Variants in CFAP44 observed in about 807,000 individuals in gnomAD.
CFAP44 encodes cilia and flagella associated protein 44.
Under a neutral mutation model 216.2 loss-of-function variants are expected in CFAP44, and 134 were observed. The observed-to-expected ratio is 0.62, with a 90% CI of 0.54 to 0.72. The LOEUF is 0.72. Among genes scored for constraint, CFAP44 ranks in the 30% least tolerant of loss-of-function variants. The pLI, the probability that CFAP44 is intolerant of heterozygous loss-of-function variation, is 0.00. For missense variants in CFAP44, 2,035 were observed against 2,182.1 expected, an observed-to-expected ratio of 0.93 and a Z score of 1.34; for synonymous variants, 700 against 727.6, an observed-to-expected ratio of 0.96 and a Z score of 0.61.
intron 2 of CFAP44, 115 bp from the exon 3 acceptor site, chr3:113,427,454 T>C (rs1576607720): frequency 1.4e-6 from 1 of 705,812 alleles, no homozygotes; most frequent in South Asian, 2.2e-5. Flanking sequence ...TAATACATAC[T>C]CAAAAATTTC....
intron 15 of CFAP44, among the ~76,000 whole-genome samples, chr3:113,383,478 C>T (rs915846799): frequency 4.7e-4 from 72 of 152,142 alleles, no homozygotes; most frequent in Non-Finnish European, 7.3e-4. Flanking sequence ...AATACTATCA[C>T]ATGGGGAATT....
chr3:113,381,985 TAA>T (rs747782208), intron 15 of CFAP44, among the ~76,000 whole-genome samples: 1 of 152,070 alleles, frequency 6.6e-6, no homozygotes, highest in Non-Finnish European at 1.5e-5. Context: ...AGCTTCAAGG[TAA>T]AAAATGTATA....
rs1950117785 is a variant in CFAP44, at chr3:113,319,119, C to T, written c.4516+7326G>A. 2.0e-5 allele frequency among the ~76,000 whole-genome samples: 3 copies of T among 152,108 alleles called. No homozygotes were observed. In the South Asian group the frequency reaches 6.2e-4, roughly 32 times the overall value. ...CCTTGAATGTAAATGGGCTAAACAC[C>T]CCACTTAAAAGCTAGAGTGCCAAAC... On this transcript the variant is annotated intron_variant, in intron 28 of 34. Coordinates refer to ENST00000393845, the MANE Select transcript of CFAP44 (RefSeq NM_001164496.2).
chr3:113,354,812 T>C (rs913971114), intron 22 of CFAP44, among the ~76,000 whole-genome samples: 2 of 152,066 alleles, frequency 1.3e-5, no homozygotes, highest in Admixed American at 6.5e-5. Context: ...CAAGTTTGCA[T>C]CCTCCCTACA....
At position 113,330,518 on chromosome 3, in the gene CFAP44, T is replaced by TA. The variant is rs1950232287; in HGVS notation, c.3765_3766insT (p.Ile1256TyrfsTer17). 6.5e-7 allele frequency: 1 copy of TA among 1,537,100 alleles called. No individual in the cohort carries two copies. The highest frequency in any genetic ancestry group is 1.4e-5 in the African/African-American group (1 of 73,026). On this transcript the variant is annotated frameshift_variant, in exon 26 of 35. Transcript: ENST00000393845. LOFTEE classifies it high-confidence loss of function. ...ACTTCTTCTGGGTGTATCTGAGGAA[T>TA]TTTGGGAATGGGTATGTGCTTGGAT... is the stretch of plus-strand genomic sequence containing the variant.
At chr3:113,349,256 G>A (rs979666827) in intron 22 of CFAP44, among the ~76,000 whole-genome samples, 2 of 152,126 alleles carry the variant, frequency 1.3e-5, no homozygotes, top group African/African-American at 2.4e-5. Flanking sequence ...CGACTCCCTC[G>A]AGGGTCAATT....
chr3:113,333,703 G>T (rs747518714), intron 24 of CFAP44, 120 bp from the exon 25 acceptor site: 504 of 1,159,272 alleles, frequency 4.3e-4, no homozygotes, highest in Non-Finnish European at 5.3e-4. Flanking sequence ...TTTCAAATCT[G>T]TGATGCCACT....
chr3:113,431,911 T>G (rs1036392864), intron 2 of CFAP44, among the ~76,000 whole-genome samples: 2 of 152,202 alleles, frequency 1.3e-5, no homozygotes, highest in African/African-American at 4.8e-5. Flanking sequence ...GCCAGCCATC[T>G]TTCAAAAATC....
chr3:113,301,658 T>A (rs1949937136), intron 32 of CFAP44, among the ~76,000 whole-genome samples: 1 of 152,224 alleles, frequency 6.6e-6, no homozygotes, highest in African/African-American at 2.4e-5. Flanking sequence ...ACAAAAATTG[T>A]ATATATTATC....
intron 17 of CFAP44, among the ~76,000 whole-genome samples, chr3:113,374,801 A>AT (rs1933287848): frequency 6.6e-6 from 1 of 151,748 alleles, no homozygotes; most frequent in African/African-American, 2.4e-5. Context: ...CGTCCACCTA[A>AT]TTTTTTCTAT....
intron 21 of CFAP44, among the ~76,000 whole-genome samples, chr3:113,361,493 G>A (rs1950540442): frequency 6.8e-6 from 1 of 146,840 alleles, no homozygotes. Flanking sequence ...ATAAAGACCT[G>A]TTTTGTTTTT....
intron 4 of CFAP44, among the ~76,000 whole-genome samples, chr3:113,421,346 G>A (rs1333237558): frequency 2.0e-5 from 3 of 152,180 alleles, no homozygotes; most frequent in Non-Finnish European, 2.9e-5. Context: ...AATGAGAGAT[G>A]TTGGTGAGGC....
At chr3:113,431,013 T>A (rs1257545714) in intron 2 of CFAP44, among the ~76,000 whole-genome samples, 1 of 152,100 alleles carries the variant, frequency 6.6e-6, no homozygotes, top group Non-Finnish European at 1.5e-5. Context: ...TTGTTAAGTA[T>A]GGGAAAAAGT....
At chr3:113,300,226 G>A (rs1415154497) in intron 32 of CFAP44, among the ~76,000 whole-genome samples, 4 of 142,596 alleles carry the variant, frequency 2.8e-5, no homozygotes, top group African/African-American at 1.2e-4. Context: ...GATAGTGGAG[G>A]TGGGGGATGT....
chr3:113,390,931 C>T (rs1933779333), intron 15 of CFAP44, among the ~76,000 whole-genome samples: 1 of 152,042 alleles, frequency 6.6e-6, no homozygotes, highest in South Asian at 2.1e-4. Flanking sequence ...AAGCAATCTA[C>T]AAATTCAATG....
rs10574877 is a variant in CFAP44, at chr3:113,338,255, C to CAAAAAAAAAAAAA, written c.3437+3476_3437+3488dup. 4.2e-4 allele frequency among the ~76,000 whole-genome samples: 18 copies of CAAAAAAAAAAAAA among 43,042 alleles called. 1 individual carries two copies. Among genetic ancestry groups the CAAAAAAAAAAAAA allele is most frequent in the Admixed American group, 1.2e-3 (3 of 2,530 alleles). 28.2% of individuals were successfully genotyped at this position (43,042 alleles called of 152,430 possible). The stretch of plus-strand genomic sequence containing the variant: ...CTGGACAACACACGAGACAATGTCT[C>CAAAAAAAAAAAAA]AAAAAAAAAAAAAAAAAAAAAAAAA... On this transcript the variant is annotated intron_variant, in intron 24 of 34. Coordinates refer to ENST00000393845, the MANE Select transcript of CFAP44 (RefSeq NM_001164496.2).
intron 3 of CFAP44, chr3:113,426,584 A>G: frequency 3.7e-6 from 1 of 266,838 alleles, no homozygotes; most frequent in Non-Finnish European, 7.2e-6. Flanking sequence ...AGGCCTCCCC[A>G]GCCATGCAGA....
chr3:113,402,754 G>T (rs771074247), intron 9 of CFAP44, among the ~76,000 whole-genome samples: 1 of 152,186 alleles, frequency 6.6e-6, no homozygotes, highest in Non-Finnish European at 1.5e-5. Context: ...GAAAAGAGAA[G>T]CAAGCTTAGG....
intron 3 of CFAP44, chr3:113,426,953 T>C: frequency 2.1e-6 from 1 of 479,150 alleles, no homozygotes; most frequent in Non-Finnish European, 3.6e-6. Flanking sequence ...TTTTATACCT[T>C]CTTAAAACCC....
Sources: allele counts gnomAD v4.1 joint callset (sites outside exome capture counted in the v4.1 genomes callset), GRCh38; gene constraint gnomAD v4.1.1; transcripts MANE v1.5; gene names NCBI Gene and HGNC (gene_info 2026-07-23, HGNC 2026-07-21).